Variants in TTC6 observed in about 807,000 individuals in gnomAD.
TTC6 encodes the protein tetratricopeptide repeat protein 6.
A neutral mutation model predicts 210.4 loss-of-function variants in TTC6; 172 were observed. The ratio of observed to expected loss-of-function variants is 0.82; its 90% confidence interval spans 0.72 to 0.93. The LOEUF (loss-of-function observed/expected upper bound fraction) is 0.93, where lower values mean the gene tolerates loss of function less well. TTC6 is among the 40% of genes least tolerant of loss of function. The pLI is 0.00. For missense variants in TTC6, 2,414 were observed against 2,318.1 expected, an observed-to-expected ratio of 1.04 and a Z score of -0.85; for synonymous variants, 804 against 819.6, an observed-to-expected ratio of 0.98 and a Z score of 0.32.
At chr14:37,819,405 AT>A (rs1191394807) in intron 26 of TTC6, among the ~76,000 whole-genome samples, 22 of 152,238 alleles carry the variant, frequency 1.4e-4, no homozygotes, top group African/African-American at 4.1e-4. Context: ...AAATAAATAA[AT>A]TTTTAAATTT....
chr14:37,629,508 T>A (rs2095665793), intron 1 of TTC6, among the ~76,000 whole-genome samples: 1 of 152,208 alleles, frequency 6.6e-6, no homozygotes, highest in African/African-American at 2.4e-5. Flanking sequence ...GATTTTGGGC[T>A]GAGAGGATGG....
chr14:37,680,391 G>A, intron 2 of TTC6, 130 bp downstream of exon 4: 2 of 603,296 alleles, frequency 3.3e-6, no homozygotes, highest in South Asian at 2.4e-5. Flanking sequence ...ACCTGTGAGA[G>A]CATCTAACTC....
intron 5 of TTC6, among the ~76,000 whole-genome samples, chr14:37,707,825 T>G (rs2095838319): frequency 6.6e-6 from 1 of 152,106 alleles, no homozygotes; most frequent in Admixed American, 6.6e-5. Flanking sequence ...TTGGATAGAT[T>G]TACCAAACAT....
In TTC6 at chr14:37,830,950, G is replaced by A. The variant is rs184368992; in HGVS notation, c.5298+3584G>A. On this transcript the variant is annotated intron_variant, in intron 29 of 30. Coordinates refer to ENST00000553443, the Ensembl canonical transcript of TTC6. ...CTTTATGATGAGAATATTTCAAATCGTCTAGCCATTTTGAAATATACAATA... is the reference window on the plus strand; with the variant it reads ...CTTTATGATGAGAATATTTCAAATCATCTAGCCATTTTGAAATATACAATA... Among the ~76,000 whole-genome samples, 30 of 152,002 alleles carry A rather than the reference G, an allele frequency of 2.0e-4. No homozygotes were observed. The East Asian group carries it at 2.7e-3, about 14-fold the overall frequency.
chr14:37,759,643 T>A (rs918946987), intron 14 of TTC6, among the ~76,000 whole-genome samples: 4 of 152,192 alleles, frequency 2.6e-5, no homozygotes, highest in African/African-American at 9.7e-5. Context: ...TACCAATCAA[T>A]CGTAGGTTTG....
chr14:37,671,928 CT>C (rs2095759021), intron 1 of TTC6, among the ~76,000 whole-genome samples: 1 of 152,128 alleles, frequency 6.6e-6, no homozygotes, highest in Admixed American at 6.6e-5. Context: ...AAGGTGCCTG[CT>C]TCACCTTCCA....
chr14:37,840,003 G>A (rs563380470), intron 29 of TTC6, among the ~76,000 whole-genome samples: 13 of 152,206 alleles, frequency 8.5e-5, no homozygotes, highest in African/African-American at 3.1e-4. Flanking sequence ...TTCCATTGGT[G>A]TATATATCTG....
At position 37,689,621 on chromosome 14, in the gene TTC6, A is replaced by T. The variant is rs144061309; in HGVS notation, c.1257+6657A>T. On this transcript the variant is annotated intron_variant, in intron 3 of 30. Transcript: ENST00000553443. ...AGAGCTCCAATATGTCCAGCAGCAG[A>T]CTTTTCAGTGGAAACCTTACAGGCC... 3.5e-3 allele frequency among the ~76,000 whole-genome samples: 535 copies of T among 152,314 alleles called. 4 individuals carry two copies. Among genetic ancestry groups the T allele is most frequent in the African/African-American group, 0.012 (514 of 41,588 alleles).
chr14:37,757,977 T>C (rs2095973019), intron 14 of TTC6, among the ~76,000 whole-genome samples: 2 of 152,234 alleles, frequency 1.3e-5, no homozygotes, highest in South Asian at 4.1e-4. Context: ...AGTTTCCATG[T>C]AATTATGCGG....
chr14:37,697,809 T>C (rs1458372009), intron 4 of TTC6, among the ~76,000 whole-genome samples: 1 of 152,214 alleles, frequency 6.6e-6, no homozygotes, highest in Non-Finnish European at 1.5e-5. Flanking sequence ...CAATAAATAG[T>C]TACTGTCAGA....
intron 3 of TTC6, among the ~76,000 whole-genome samples, chr14:37,691,229 C>T (rs1190049451): frequency 6.6e-6 from 1 of 152,044 alleles, no homozygotes; most frequent in Non-Finnish European, 1.5e-5. Context: ...ACTCGGGAGG[C>T]TGAGGCATGA....
chr14:37,658,806 T>C (rs2095730527), intron 1 of TTC6, among the ~76,000 whole-genome samples: 1 of 152,186 alleles, frequency 6.6e-6, no homozygotes, highest in African/African-American at 2.4e-5. Flanking sequence ...GGGGTGCGTA[T>C]GCAGGTTCAT....
chr14:37,663,163 G>A (rs749141388), intron 1 of TTC6, among the ~76,000 whole-genome samples: 30 of 151,952 alleles, frequency 2.0e-4, no homozygotes, highest in Admixed American at 3.3e-4. Flanking sequence ...TGTGGTAACG[G>A]TGAATGGGAT....
At chr14:37,698,707 C>T (rs1488090669) in intron 4 of TTC6, among the ~76,000 whole-genome samples, 2 of 152,138 alleles carry the variant, frequency 1.3e-5, no homozygotes, top group African/African-American at 4.8e-5. Flanking sequence ...CCATAGACCA[C>T]TCTCTATTAA....
At chr14:37,669,375 A>G (rs1488631211) in intron 1 of TTC6, among the ~76,000 whole-genome samples, 1 of 152,186 alleles carries the variant, frequency 6.6e-6, no homozygotes. Flanking sequence ...CCAGGGGAAG[A>G]GAAAGGATCT....
At chr14:37,613,381 A>G (rs1187611113) in intron 2 of TTC6, among the ~76,000 whole-genome samples, 2 of 152,070 alleles carry the variant, frequency 1.3e-5, no homozygotes, top group East Asian at 3.8e-4. Context: ...ATATTTTTGG[A>G]TTTGATTTGC....
At chr14:37,733,482 G>A (rs1433479920) in intron 7 of TTC6, among the ~76,000 whole-genome samples, 3 of 152,180 alleles carry the variant, frequency 2.0e-5, no homozygotes, top group Non-Finnish European at 2.9e-5. Context: ...CATTCTTGAG[G>A]AATATTTTAT....
At chr14:37,661,008 C>T (rs776326622) in intron 1 of TTC6, among the ~76,000 whole-genome samples, 10 of 152,184 alleles carry the variant, frequency 6.6e-5, no homozygotes, top group Non-Finnish European at 1.2e-4. Context: ...TGTTCATGTC[C>T]TTTTCCCACT....
intron 17 of TTC6, 56 bp from the exon 20 acceptor site, chr14:37,795,214 C>T (rs2096089715): frequency 1.6e-6 from 2 of 1,227,446 alleles, no homozygotes; most frequent in South Asian, 1.4e-5. Context: ...GGATAAATAT[C>T]AGAAAGGAAG....
Sources: gnomAD v4.1 joint callset for allele counts (sites outside exome capture counted in the v4.1 genomes callset) on GRCh38, gnomAD v4.1.1 for gene constraint, MANE v1.5 for transcripts, NCBI Gene and HGNC (gene_info 2026-07-23, HGNC 2026-07-21) for gene names.